The following LRP1B variants were observed in gnomAD, a reference collection of about 807,000 sequenced individuals.
The protein encoded by LRP1B is LDL receptor related protein 1B, also known as low-density lipoprotein receptor-related protein 1B.
Under a neutral mutation model 556.6 loss-of-function variants are expected in LRP1B, and 217 were observed. The ratio of observed to expected loss-of-function variants is 0.39; its 90% CI spans 0.35 to 0.44. The LOEUF (loss-of-function observed/expected upper bound fraction) is 0.44. Among genes scored for constraint, LRP1B ranks in the 20% least tolerant of loss-of-function variants. LRP1B has a pLI of 1.00. For synonymous variants in LRP1B, 2,047 were observed against 1,865.8 expected, an observed-to-expected ratio of 1.10 and a Z score of -2.50; for missense variants, 5,053 against 5,620.8, an observed-to-expected ratio of 0.90 and a Z score of 3.23.
rs140016990 is a variant in LRP1B at position 140,779,749 on chromosome 2, TGA to T, written c.5360-3513_5360-3512del. ...TGTGTGTGGTGTGTCTGTCTCTCTG[TGA>T]GAGAGTGTGTGTGTGTGTGTGTGTG... is the stretch of plus-strand genomic sequence containing the variant. On this transcript the variant is annotated intron_variant, in intron 32 of 90. Transcript: ENST00000389484. Among the ~76,000 whole-genome samples, 624 of 105,568 alleles carry T rather than the reference TGA, an allele frequency of 5.9e-3. 2 individuals carry two copies. Among genetic ancestry groups the T allele is most frequent in the African/African-American group, 0.011 (298 of 27,714 alleles). The allele number at this position is 105,568 out of a possible 152,430, so 69.3% of individuals were successfully genotyped here. A position where few individuals can be genotyped will look rare whatever the true frequency, so the allele number is the denominator to read the frequency against.
chr2:141,329,429 G>A (rs1205827653), intron 3 of LRP1B, among the ~76,000 whole-genome samples: 2 of 149,466 alleles, frequency 1.3e-5, no homozygotes, highest in African/African-American at 2.5e-5. Context: ...TGGATCCCGA[G>A]GTCAGGAGAT....
intron 1 of LRP1B, among the ~76,000 whole-genome samples, chr2:141,980,660 C>A (rs1430322052): frequency 6.6e-6 from 1 of 152,082 alleles, no homozygotes; most frequent in Non-Finnish European, 1.5e-5. Context: ...ACAGCACTAT[C>A]AGATTTAATT....
Position 140,289,201 on chromosome 2 carries a change from T to C in LRP1B, c.12967+8607A>G, listed in dbSNP as rs141274611. Among the ~76,000 whole-genome samples the C allele has an allele frequency of 4.1e-4, 63 of 152,118 alleles. 1 individual carries two copies. The highest frequency in any genetic ancestry group is 6.8e-3 in the Middle Eastern group (2 of 294). On this transcript the variant is annotated intron_variant, in intron 84 of 90. Coordinates refer to ENST00000389484, the MANE Select transcript of LRP1B (RefSeq NM_018557.3). Reference sequence around the variant, plus strand: ...AATTTTATAAACATGCTGCTGAAATTTCAAACAATTATGTGAAAAATAATG... The same window carrying C: ...AATTTTATAAACATGCTGCTGAAATCTCAAACAATTATGTGAAAAATAATG...
At chr2:141,999,795 C>A (rs1259800998) in intron 1 of LRP1B, among the ~76,000 whole-genome samples, 1 of 151,792 alleles carries the variant, frequency 6.6e-6, no homozygotes, top group Non-Finnish European at 1.5e-5. Flanking sequence ...CACACATGTA[C>A]TATTTGTATC....
intron 60 of LRP1B, among the ~76,000 whole-genome samples, chr2:140,462,359 G>C (rs534544842): frequency 5.3e-5 from 8 of 152,236 alleles, no homozygotes; most frequent in Admixed American, 5.2e-4. Flanking sequence ...TAGTTGCAGA[G>C]AGTTTAATAA....
chr2:141,562,459 A>G (rs930277265), intron 2 of LRP1B, among the ~76,000 whole-genome samples: 80 of 152,054 alleles, frequency 5.3e-4, no homozygotes, highest in African/African-American at 1.9e-3. Flanking sequence ...ACTGACCTCT[A>G]CTACACGTTC....
chr2:140,312,501 A>AC (rs1684344445), intron 83 of LRP1B, among the ~76,000 whole-genome samples: 1 of 152,006 alleles, frequency 6.6e-6, no homozygotes, highest in Non-Finnish European at 1.5e-5. Flanking sequence ...GATTAAGTGT[A>AC]AATATAGCTG....
chr2:141,812,639 T>C (rs1239993112), intron 1 of LRP1B, among the ~76,000 whole-genome samples: 2 of 152,116 alleles, frequency 1.3e-5, no homozygotes, highest in Non-Finnish European at 2.9e-5. Context: ...ATGAAGGAAC[T>C]TGATTGCCAT....
intron 3 of LRP1B, among the ~76,000 whole-genome samples, chr2:141,266,041 C>G (rs1684874545): frequency 6.6e-6 from 1 of 151,992 alleles, no homozygotes. Flanking sequence ...ATATGCATGT[C>G]TGGCCAGGCG....
chr2:140,728,941 T>A (rs929311132), intron 35 of LRP1B, among the ~76,000 whole-genome samples: 10 of 152,066 alleles, frequency 6.6e-5, no homozygotes, highest in African/African-American at 2.4e-4. Context: ...TTAATAAGCA[T>A]AATAAATATC....
chr2:141,566,382 G>A, intron 2 of LRP1B, among the ~76,000 whole-genome samples: 1 of 152,008 alleles, frequency 6.6e-6, no homozygotes, highest in Non-Finnish European at 1.5e-5. Context: ...TAGAAATAGT[G>A]ACTTTATGCA....
intron 1 of LRP1B, among the ~76,000 whole-genome samples, chr2:141,994,599 G>A (rs1702436523): frequency 1.3e-5 from 2 of 152,104 alleles, no homozygotes; most frequent in South Asian, 4.1e-4. Flanking sequence ...GAAAGGAATG[G>A]TGAGTGCAAG....
intron 41 of LRP1B, among the ~76,000 whole-genome samples, chr2:140,655,868 G>A (rs1173668423): frequency 2.0e-5 from 3 of 151,846 alleles, no homozygotes; most frequent in Non-Finnish European, 4.4e-5. Context: ...GCCTGTACCC[G>A]GGAGGCGGAG....
At chr2:142,071,678 A>C (rs2104912192) in intron 1 of LRP1B, among the ~76,000 whole-genome samples, 1 of 152,006 alleles carries the variant, frequency 6.6e-6, no homozygotes, top group South Asian at 2.1e-4. Context: ...CGACCTGTAA[A>C]CCCTAAAATA....
chr2:140,654,025 C>CAAA (rs61199077), intron 41 of LRP1B, among the ~76,000 whole-genome samples: 1,540 of 35,294 alleles, frequency 0.044, 98 homozygotes, highest in Non-Finnish European at 0.06. Context: ...GACTCCATCT[C>CAAA]AAAAAAAAAA....
chr2:141,238,749 C>T (rs1355913487), intron 5 of LRP1B, among the ~76,000 whole-genome samples: 1 of 151,892 alleles, frequency 6.6e-6, no homozygotes, highest in Non-Finnish European at 1.5e-5. Context: ...AAGTTATAAA[C>T]AAAGGGTTTG....
chr2:140,591,751 A>G (rs1190669810), intron 43 of LRP1B, among the ~76,000 whole-genome samples: 1 of 152,238 alleles, frequency 6.6e-6, no homozygotes, highest in Non-Finnish European at 1.5e-5. Flanking sequence ...AAACCTGCTT[A>G]TAATTATCTG....
chr2:141,998,169 C>A (rs572671385), intron 1 of LRP1B, among the ~76,000 whole-genome samples: 1 of 151,942 alleles, frequency 6.6e-6, no homozygotes, highest in East Asian at 1.9e-4. Flanking sequence ...CTCAGAGGTC[C>A]GGTTAAAAGA....
At chr2:141,164,910 AT>A (rs1172971125) in intron 7 of LRP1B, among the ~76,000 whole-genome samples, 1 of 151,922 alleles carries the variant, frequency 6.6e-6, no homozygotes, top group Non-Finnish European at 1.5e-5. Flanking sequence ...ACTAACCCTT[AT>A]TTTTTAATTT....
Sources: allele counts gnomAD v4.1 joint callset (sites outside exome capture counted in the v4.1 genomes callset), GRCh38; gene constraint gnomAD v4.1.1; transcripts MANE v1.5; gene names NCBI Gene and HGNC (gene_info 2026-07-23, HGNC 2026-07-21).